Variants in FAAH2 observed in about 807,000 individuals in gnomAD.
FAAH2 encodes fatty acid amide hydrolase 2, also known as fatty-acid amide hydrolase 2.
A neutral mutation model predicts 36.9 loss-of-function variants in FAAH2; 60 were observed. The ratio of observed to expected loss-of-function variants is 1.63; its 90% CI spans 1.32 to 2.02. The LOEUF (loss-of-function observed/expected upper bound fraction) is 2.02. Ranked by LOEUF, FAAH2 falls within the 30% of genes most tolerant of loss-of-function variation. The probability of loss-of-function intolerance (pLI) is 0.00; values close to 1 mark genes in which losing one functional copy is unlikely to be tolerated. For missense variants in FAAH2, 689 were observed against 397.5 expected (o/e 1.73, Z -6.23); for synonymous variants, 214 against 143.8 (o/e 1.49, Z -3.49).
intron 8 of FAAH2, among the ~76,000 whole-genome samples, chrX:57,437,398 G>C (rs760480542): frequency 1.8e-5 from 2 of 109,954 alleles, no homozygotes; most frequent in African/African-American, 3.3e-5. Context: ...GCAAAAGAAA[G>C]AAATAAAAGA....
At chrX:57,419,598 A>T (rs1250087153) in intron 7 of FAAH2, among the ~76,000 whole-genome samples, 1 of 111,070 alleles carries the variant, frequency 9.0e-6, no homozygotes. Flanking sequence ...GTTTGAGTTC[A>T]TTGTAGATTC....
the FAAH2 span, among the ~76,000 whole-genome samples, chrX:57,268,747 A>T: frequency 9.0e-6 from 1 of 111,723 alleles, no homozygotes; most frequent in East Asian, 2.8e-4. Flanking sequence ...TTCTCACTAA[A>T]TATGGAAAGA....
Position 57,431,918 on chromosome X carries a change from G to T in FAAH2, c.997G>T (p.Val333Phe), listed in dbSNP as rs748814159. ...TGTTTTTATATCTTTCTTTTATAAG[G>T]TTGTGGTTCACCTTGAAACTATTCT... is the stretch of plus-strand genomic sequence containing the variant. ...DQDLIMTQKK[V>F]VVHLETILGA... Residue 333 changes from valine (V) to phenylalanine (F), a missense_variant and splice_region_variant, in exon 8 of 11, where the codon GTT (valine) becomes TTT (phenylalanine). Physicochemically the swap from Val to Phe is conservative, Grantham distance 50. Transcript: ENST00000374900. 3.4e-6 allele frequency: 4 copies of T among 1,189,821 alleles called. No individual in the cohort carries two copies. In the African/African-American group the frequency reaches 5.4e-5, roughly 16 times the overall value.
chrX:57,376,294 G>T (rs1261472345), intron 5 of FAAH2, among the ~76,000 whole-genome samples: 1 of 110,928 alleles, frequency 9.0e-6, no homozygotes, highest in Non-Finnish European at 1.9e-5. Flanking sequence ...ATGCAGGTTT[G>T]TTACATAGGT....
the FAAH2 span, among the ~76,000 whole-genome samples, chrX:57,264,476 A>C: frequency 8.9e-6 from 1 of 112,773 alleles, no homozygotes; most frequent in Non-Finnish European, 1.9e-5. Flanking sequence ...TCAAAACCAC[A>C]ATGAGATACC....
intron 5 of FAAH2, among the ~76,000 whole-genome samples, chrX:57,363,951 G>A (rs2054346191): frequency 1.9e-5 from 2 of 104,661 alleles, no homozygotes; most frequent in South Asian, 8.9e-4. Context: ...GATTTCATTT[G>A]CTAGTATGTT....
chrX:57,278,766 C>CA, the FAAH2 span, among the ~76,000 whole-genome samples: 8 of 110,625 alleles, frequency 7.2e-5, no homozygotes, highest in Non-Finnish European at 1.3e-4. Context: ...AAGAAAAAAA[C>CA]AAAAAAACAC....
chrX:57,478,640 A>C (rs1309461592), intron 10 of FAAH2, among the ~76,000 whole-genome samples: 1 of 111,667 alleles, frequency 9.0e-6, no homozygotes, highest in Admixed American at 9.5e-5. Flanking sequence ...TTAAGTCTTT[A>C]ATCCATCTTG....
chrX:57,312,374 C>T (rs948932034), intron 3 of FAAH2, among the ~76,000 whole-genome samples: 3 of 111,958 alleles, frequency 2.7e-5, no homozygotes, highest in African/African-American at 9.7e-5. Flanking sequence ...TTCAAACACA[C>T]ATAAAGATCC....
chrX:57,383,712 T>C (rs984244773), intron 7 of FAAH2, among the ~76,000 whole-genome samples: 19 of 111,863 alleles, frequency 1.7e-4, no homozygotes, highest in African/African-American at 6.2e-4. Context: ...TGCTCATGGA[T>C]AGGAAAAATC....
intron 7 of FAAH2, among the ~76,000 whole-genome samples, chrX:57,387,211 T>C (rs916381562): frequency 8.9e-6 from 1 of 111,773 alleles, no homozygotes; most frequent in Non-Finnish European, 1.9e-5. Flanking sequence ...CTTTAAAATA[T>C]AAAGTTAGAT....
At chrX:57,318,632 A>C (rs2052917930) in intron 3 of FAAH2, among the ~76,000 whole-genome samples, 1 of 112,026 alleles carries the variant, frequency 8.9e-6, no homozygotes, top group Admixed American at 9.5e-5. Flanking sequence ...AACTATTCCA[A>C]ACAATAGAAA....
chrX:57,258,675 G>A, the FAAH2 span, among the ~76,000 whole-genome samples: 4 of 107,568 alleles, frequency 3.7e-5, no homozygotes, highest in African/African-American at 1.4e-4. Context: ...ACTTACCAAC[G>A]ATGAGCATGA....
chrX:57,328,092 G>T (rs1023036779), intron 3 of FAAH2, among the ~76,000 whole-genome samples: 2 of 112,198 alleles, frequency 1.8e-5, no homozygotes, highest in Non-Finnish European at 3.8e-5. Flanking sequence ...GTTGGAGTTT[G>T]CTGGAGGTCC....
rs2053578531 is a variant in FAAH2 at position 57,337,347 on chromosome X, T to C, written c.623-3924T>C. 2.7e-5 allele frequency among the ~76,000 whole-genome samples: 3 copies of C among 109,184 alleles called. No homozygotes were observed. In the South Asian group the frequency reaches 1.2e-3, roughly 43 times the overall value. The allele number at this position is 109,184 out of a possible 115,157, so 94.8% of individuals were successfully genotyped here. ...CAGGTACAAAGAGGAGCTGATACCATTTCTACTGAAATTATTCCAAAAAAT... is the reference window on the plus strand; with the variant it reads ...CAGGTACAAAGAGGAGCTGATACCACTTCTACTGAAATTATTCCAAAAAAT... On this transcript the variant is annotated intron_variant, in intron 4 of 10. Coordinates refer to ENST00000374900, the MANE Select transcript of FAAH2 (RefSeq NM_174912.4).
chrX:57,322,717 C>T (rs756900848), intron 3 of FAAH2, among the ~76,000 whole-genome samples: 33 of 111,269 alleles, frequency 3.0e-4, no homozygotes, highest in African/African-American at 9.5e-4. Context: ...TTTCTTTACT[C>T]TTGTTTCACT....
intron 3 of FAAH2, among the ~76,000 whole-genome samples, chrX:57,329,572 G>A (rs908837780): frequency 9.1e-6 from 1 of 109,453 alleles, no homozygotes; most frequent in Non-Finnish European, 1.9e-5. Flanking sequence ...AGGAGTAGTG[G>A]CATGGCAGGG....
chrX:57,460,463 G>A (rs941684642), intron 10 of FAAH2, among the ~76,000 whole-genome samples: 13 of 111,974 alleles, frequency 1.2e-4, no homozygotes, highest in Non-Finnish European at 2.4e-4. Flanking sequence ...AGATGTCTCT[G>A]CAGAAACCCT....
At chrX:57,164,787 CTT>C in the FAAH2 span, among the ~76,000 whole-genome samples, 1 of 112,280 alleles carries the variant, frequency 8.9e-6, no homozygotes, top group Non-Finnish European at 1.9e-5. Context: ...AATAACAACT[CTT>C]AGGTTGACTT....
Sources: allele counts gnomAD v4.1 joint callset (sites outside exome capture counted in the v4.1 genomes callset), GRCh38; gene constraint gnomAD v4.1.1; transcripts MANE v1.5; gene names NCBI Gene and HGNC (gene_info 2026-07-23, HGNC 2026-07-21).